RCL1: variants seen among roughly 807,000 people sequenced by gnomAD.
RCL1 encodes RNA terminal phosphate cyclase like 1.
In RCL1, 24 loss-of-function variants were observed where a neutral mutation model predicts 42.4. That is an observed-to-expected ratio of 0.57 (90% confidence interval 0.41 to 0.80). The LOEUF (loss-of-function observed/expected upper bound fraction) is 0.80. RCL1 is among the 30% of genes least tolerant of loss of function. RCL1 has a pLI of 0.00. For missense variants in RCL1, 578 were observed against 467.9 expected (o/e 1.24, Z -2.17); for synonymous variants, 228 against 177.3 (o/e 1.29, Z -2.27).
At chr9:4,860,028 G>A in intron 8 of RCL1, 97 bp from the exon 9 acceptor site, 3 of 804,806 alleles carry the variant, frequency 3.7e-6, no homozygotes, top group Non-Finnish European at 5.6e-6. Context: ...AGCCCTCTAG[G>A]TCTGGGAGAT....
intron 1 of RCL1, among the ~76,000 whole-genome samples, chr9:4,796,695 C>T (rs1002553418): frequency 6.6e-6 from 1 of 152,190 alleles, no homozygotes; most frequent in Non-Finnish European, 1.5e-5. Context: ...TAACCATGCC[C>T]AGCCTGATTT....
At chr9:4,856,823 G>C (rs1281667991) in intron 8 of RCL1, among the ~76,000 whole-genome samples, 1 of 152,208 alleles carries the variant, frequency 6.6e-6, no homozygotes, top group Non-Finnish European at 1.5e-5. Context: ...GCCCTCTAGG[G>C]TTGTTAATGT....
chr9:4,824,165 T>G (rs1816683325), intron 2 of RCL1, among the ~76,000 whole-genome samples: 1 of 152,242 alleles, frequency 6.6e-6, no homozygotes, highest in African/African-American at 2.4e-5. Flanking sequence ...TGTGAGGTAG[T>G]TTATGGGCTG....
intron 1 of RCL1, among the ~76,000 whole-genome samples, chr9:4,797,793 T>A (rs1287764101): frequency 6.6e-6 from 1 of 152,168 alleles, no homozygotes; most frequent in African/African-American, 2.4e-5. Flanking sequence ...TCAAACTCTG[T>A]GACTTCAGGC....
At chr9:4,832,805 CAAAAAAAA>C (rs34915834) in intron 3 of RCL1, among the ~76,000 whole-genome samples, 6 of 39,306 alleles carry the variant, frequency 1.5e-4, no homozygotes, top group Non-Finnish European at 2.3e-4. Context: ...AGATTCCACT[CAAAAAAAA>C]AAAAAAAAAA....
At chr9:4,802,887 C>T (rs575991643) in intron 1 of RCL1, among the ~76,000 whole-genome samples, 1 of 152,302 alleles carries the variant, frequency 6.6e-6, no homozygotes, top group African/African-American at 2.4e-5. Flanking sequence ...GAGGTGCGAC[C>T]TTAGCCTACT....
intron 1 of RCL1, among the ~76,000 whole-genome samples, chr9:4,819,963 G>T (rs1816533316): frequency 6.6e-6 from 1 of 152,060 alleles, no homozygotes; most frequent in Non-Finnish European, 1.5e-5. Flanking sequence ...GAACACCTTT[G>T]TGACCCCCCC....
chr9:4,793,250 C>CGGCGTG, intron 1 of RCL1, 23 bp downstream of exon 1: 1 of 1,572,030 alleles, frequency 6.4e-7, no homozygotes, highest in Non-Finnish European at 8.6e-7. Context: ...GGGCGGCGCG[C>CGGCGTG]GGCGTGGGCG....
intron 2 of RCL1, among the ~76,000 whole-genome samples, chr9:4,824,801 G>A (rs1816706437): frequency 6.6e-6 from 1 of 152,206 alleles, no homozygotes; most frequent in Non-Finnish European, 1.5e-5. Context: ...ATACTCACAT[G>A]TCTTTTGCCA....
At chr9:4,855,177 AT>A (rs1726583547) in intron 8 of RCL1, among the ~76,000 whole-genome samples, 1 of 151,864 alleles carries the variant, frequency 6.6e-6, no homozygotes, top group South Asian at 2.1e-4. Context: ...TCTGAAAATC[AT>A]TTTGTCCCGG....
chr9:4,842,872 A>T (rs1425051323), intron 6 of RCL1, among the ~76,000 whole-genome samples: 1 of 152,218 alleles, frequency 6.6e-6, no homozygotes, highest in African/African-American at 2.4e-5. Context: ...TCGCTTTATC[A>T]GAAAGTGTCC....
intron 8 of RCL1, among the ~76,000 whole-genome samples, chr9:4,859,256 A>G (rs955518684): frequency 1.3e-5 from 2 of 152,160 alleles, no homozygotes; most frequent in Admixed American, 1.3e-4. Context: ...TTTACTGTGC[A>G]CACTTCCCCG....
intron 6 of RCL1, among the ~76,000 whole-genome samples, chr9:4,843,561 T>G (rs1817406509): frequency 6.6e-6 from 1 of 152,214 alleles, no homozygotes; most frequent in Non-Finnish European, 1.5e-5. Context: ...GTAATTTACA[T>G]AGAACCTAAT....
intron 1 of RCL1, among the ~76,000 whole-genome samples, chr9:4,802,407 G>A (rs1381114201): frequency 6.6e-6 from 1 of 152,068 alleles, no homozygotes; most frequent in African/African-American, 2.4e-5. Flanking sequence ...ATTTTGACAA[G>A]AATTATATTA....
chr9:4,837,026 C>T (rs1214969728), intron 5 of RCL1, among the ~76,000 whole-genome samples: 2 of 152,054 alleles, frequency 1.3e-5, no homozygotes, highest in African/African-American at 2.4e-5. Flanking sequence ...TCCTAGGAGC[C>T]CCCAGGTTGA....
chr9:4,858,161 G>T lies in RCL1; in HGVS notation c.972-1964G>T, dbSNP rs542124253. On this transcript the variant is annotated intron_variant, in intron 8 of 8. Transcript: ENST00000381750. ...AAACTGTTGGGATTACAGGTGTGAGGTACCATGCCTGTACTCTCCCATCGT... is the reference window on the plus strand; with the variant it reads ...AAACTGTTGGGATTACAGGTGTGAGTTACCATGCCTGTACTCTCCCATCGT... 2.3e-4 allele frequency among the ~76,000 whole-genome samples: 35 copies of T among 152,028 alleles called. No homozygotes were observed. The South Asian group carries it at 3.7e-3, about 16-fold the overall frequency.
intron 8 of RCL1, among the ~76,000 whole-genome samples, chr9:4,851,034 C>G (rs1295967429): frequency 1.3e-5 from 2 of 151,818 alleles, no homozygotes; most frequent in Non-Finnish European, 2.9e-5. Flanking sequence ...CACTTTTTTT[C>G]TTTTGCTTTT....
chr9:4,853,514 G>A (rs146194044), intron 8 of RCL1, among the ~76,000 whole-genome samples: 229 of 152,120 alleles, frequency 1.5e-3, no homozygotes, highest in African/African-American at 5.4e-3. Flanking sequence ...GTAGAGACGG[G>A]GTTTCATCGT....
intron 1 of RCL1, among the ~76,000 whole-genome samples, chr9:4,800,251 G>A (rs1842976668): frequency 6.6e-6 from 1 of 150,982 alleles, no homozygotes; most frequent in African/African-American, 2.4e-5. Context: ...GTCTAGCTCT[G>A]TTGCCCAGGC....
Sources: allele counts gnomAD v4.1 joint callset (sites outside exome capture counted in the v4.1 genomes callset), GRCh38; gene constraint gnomAD v4.1.1; transcripts MANE v1.5; gene names NCBI Gene and HGNC (gene_info 2026-07-23, HGNC 2026-07-21).